NRG3: variants seen among roughly 807,000 people sequenced by gnomAD.
NRG3 encodes pro-neuregulin-3, membrane-bound isoform.
NRG3 carries 31 observed loss-of-function variants against 66.9 expected under a neutral mutation model. That is an observed-to-expected ratio of 0.46 (90% CI 0.35 to 0.63). The LOEUF is 0.63. Ranked by LOEUF, NRG3 falls within the 20% of genes least tolerant of loss-of-function variation. The probability of loss-of-function intolerance (pLI) is 0.00; values close to 1 mark genes in which losing one functional copy is unlikely to be tolerated. For synonymous variants in NRG3, 393 were observed against 359.4 expected, an observed-to-expected ratio of 1.09 and a Z score of -1.06; for missense variants, 910 against 878.9, an observed-to-expected ratio of 1.04 and a Z score of -0.45.
intron 2 of NRG3, among the ~76,000 whole-genome samples, chr10:82,469,046 T>G (rs1377417336): frequency 1.3e-5 from 2 of 152,216 alleles, no homozygotes; most frequent in African/African-American, 4.8e-5. Context: ...GTGAAATGAA[T>G]GAGCTCCCCT....
At chr10:82,603,123 A>T (rs561434846) in intron 2 of NRG3, among the ~76,000 whole-genome samples, 10 of 152,254 alleles carry the variant, frequency 6.6e-5, no homozygotes, top group African/African-American at 1.7e-4. Flanking sequence ...TTCTTCCCTG[A>T]TTCAGTAAAT....
At chr10:82,552,639 A>C (rs1166944192) in intron 2 of NRG3, among the ~76,000 whole-genome samples, 1 of 152,152 alleles carries the variant, frequency 6.6e-6, no homozygotes, top group Non-Finnish European at 1.5e-5. Context: ...ACTGCAATAG[A>C]AGTCAGGGCT....
At chr10:82,029,666 A>G (rs1489925098) in intron 1 of NRG3, among the ~76,000 whole-genome samples, 1 of 152,064 alleles carries the variant, frequency 6.6e-6, no homozygotes, top group Admixed American at 6.6e-5. Context: ...AACAGTTTCT[A>G]TTGATTTATA....
At chr10:82,118,870 A>T (rs919863333) in intron 1 of NRG3, among the ~76,000 whole-genome samples, 13 of 152,136 alleles carry the variant, frequency 8.5e-5, no homozygotes, top group Admixed American at 6.6e-4. Context: ...GACTGATCAT[A>T]TCTAGATCCA....
At chr10:82,237,290 C>G (rs1220598163) in intron 1 of NRG3, among the ~76,000 whole-genome samples, 2 of 152,054 alleles carry the variant, frequency 1.3e-5, no homozygotes, top group Admixed American at 1.3e-4. Context: ...AATCTTTCTG[C>G]CTCTGTTTGC....
chr10:82,649,241 A>G (rs188344258), intron 2 of NRG3, among the ~76,000 whole-genome samples: 2 of 152,246 alleles, frequency 1.3e-5, no homozygotes, highest in African/African-American at 4.8e-5. Context: ...TTTCAAAGAG[A>G]CACCCCTCTA....
At chr10:82,389,106 C>G (rs4035093) in intron 2 of NRG3, among the ~76,000 whole-genome samples, 230 of 152,084 alleles carry the variant, frequency 1.5e-3, no homozygotes, top group African/African-American at 5.3e-3. Context: ...CATTCACCCC[C>G]CTAACCACAA....
intron 4 of NRG3, among the ~76,000 whole-genome samples, chr10:82,871,244 C>G (rs1418698358): frequency 6.7e-6 from 1 of 148,848 alleles, no homozygotes; most frequent in Non-Finnish European, 1.5e-5. Flanking sequence ...TAATGTGTAT[C>G]TATTCTGAGT....
At chr10:82,879,017 T>C (rs1001878362) in intron 4 of NRG3, among the ~76,000 whole-genome samples, 16 of 152,226 alleles carry the variant, frequency 1.1e-4, no homozygotes, top group Admixed American at 7.2e-4. Flanking sequence ...TAATAAATAA[T>C]TCAATTAAAT....
chr10:82,168,902 T>TTC (rs762833491), intron 1 of NRG3, among the ~76,000 whole-genome samples: 9 of 152,170 alleles, frequency 5.9e-5, no homozygotes, highest in Non-Finnish European at 1.0e-4. Context: ...CTGTTCACCT[T>TTC]TCTCTGGCCT....
intron 2 of NRG3, among the ~76,000 whole-genome samples, chr10:82,405,621 C>A (rs2087460069): frequency 6.6e-6 from 1 of 151,958 alleles, no homozygotes; most frequent in Non-Finnish European, 1.5e-5. Flanking sequence ...GTGTGCATCA[C>A]CCCACCTGGC....
intron 1 of NRG3, among the ~76,000 whole-genome samples, chr10:82,154,422 T>C (rs1220905052): frequency 6.6e-6 from 1 of 152,044 alleles, no homozygotes; most frequent in African/African-American, 2.4e-5. Context: ...TTCTGTTCCA[T>C]TGGATTATAT....
Position 82,844,814 on chromosome 10 carries a change from T to A in NRG3, c.1028-20597T>A, listed in dbSNP as rs1279040050. Among the ~76,000 whole-genome samples the A allele has an allele frequency of 5.9e-5, 9 of 152,048 alleles. No individual in the cohort carries two copies. The South Asian group carries it at 1.7e-3, about 28-fold the overall frequency. On this transcript the variant is annotated intron_variant, in intron 3 of 8. Coordinates refer to ENST00000372141, the MANE Select transcript of NRG3 (RefSeq NM_001010848.4). ...AATTAAATGAGTATTAAAAAAAAAGTCTTTGCTTCTATTTCTCAAATTTCA... is the reference window on the plus strand; with the variant it reads ...AATTAAATGAGTATTAAAAAAAAAGACTTTGCTTCTATTTCTCAAATTTCA...
chr10:82,472,614 G>A (rs528969583), intron 2 of NRG3, among the ~76,000 whole-genome samples: 1 of 152,204 alleles, frequency 6.6e-6, no homozygotes, highest in Non-Finnish European at 1.5e-5. Flanking sequence ...TCATTTAGGA[G>A]GACAACAGAC....
chr10:82,485,154 C>A (rs1842583726), intron 2 of NRG3, among the ~76,000 whole-genome samples: 1 of 152,050 alleles, frequency 6.6e-6, no homozygotes, highest in Admixed American at 6.6e-5. Flanking sequence ...TCATTACGAC[C>A]CCAGTGTAGG....
chr10:82,952,935 T>G (rs1849678952), intron 5 of NRG3, among the ~76,000 whole-genome samples: 1 of 152,022 alleles, frequency 6.6e-6, no homozygotes, highest in Admixed American at 6.5e-5. Flanking sequence ...ACAGACAGTT[T>G]CTATATACCT....
chr10:82,927,683 A>AT lies in NRG3; in HGVS notation c.1055-23785dup, dbSNP rs544360878. Among the ~76,000 whole-genome samples, 125 of 152,250 alleles carry AT rather than the reference A, an allele frequency of 8.2e-4. 2 individuals are homozygous for AT. The highest frequency in any genetic ancestry group is 2.8e-3 in the African/African-American group (117 of 41,544). On this transcript the variant is annotated intron_variant, in intron 4 of 8. Transcript: ENST00000372141. ...GCAAAGGACATGAACTCATCCTTTC[A>AT]TATGGCTGCATAGTATTCCACAGTG...
chr10:82,817,625 A>T (rs2061768996), intron 3 of NRG3, among the ~76,000 whole-genome samples: 1 of 152,188 alleles, frequency 6.6e-6, no homozygotes, highest in African/African-American at 2.4e-5. Context: ...GTATGCCCCA[A>T]AACACCGAAT....
intron 6 of NRG3, among the ~76,000 whole-genome samples, chr10:82,971,342 A>G (rs1354514358): frequency 6.6e-6 from 1 of 152,102 alleles, no homozygotes; most frequent in Non-Finnish European, 1.5e-5. Context: ...CTTTACTGTT[A>G]TCCATAGTTA....
Sources: gnomAD v4.1 joint callset for allele counts (sites outside exome capture counted in the v4.1 genomes callset) on GRCh38, gnomAD v4.1.1 for gene constraint, MANE v1.5 for transcripts, NCBI Gene and HGNC (gene_info 2026-07-23, HGNC 2026-07-21) for gene names.